Variants in SULF1 observed in about 807,000 individuals in gnomAD.
SULF1 encodes sulfatase 1.
In SULF1, 46 loss-of-function variants were observed where a neutral mutation model predicts 110.5. That is an observed-to-expected ratio of 0.42 (90% confidence interval 0.33 to 0.53). The LOEUF (loss-of-function observed/expected upper bound fraction) is 0.53. Ranked by LOEUF, SULF1 falls within the 20% of genes least tolerant of loss-of-function variation. The pLI is 0.12. For missense variants in SULF1, 941 were observed against 1,094.2 expected, an observed-to-expected ratio of 0.86 and a Z score of 1.98; for synonymous variants, 371 against 387.1, an observed-to-expected ratio of 0.96 and a Z score of 0.49.
At chr8:69,480,149 C>T (rs957673542) in intron 1 of SULF1, among the ~76,000 whole-genome samples, 1 of 152,162 alleles carries the variant, frequency 6.6e-6, no homozygotes, top group African/African-American at 2.4e-5. Flanking sequence ...TTAACATACA[C>T]TTAAAGAACA....
chr8:69,613,475 T>C (rs1563587131), intron 13 of SULF1, among the ~76,000 whole-genome samples: 2 of 152,146 alleles, frequency 1.3e-5, no homozygotes, highest in Non-Finnish European at 1.5e-5. Context: ...TTATAATGAT[T>C]ACTTAGTGGA....
chr8:69,568,505 T>C (rs1336930496), intron 5 of SULF1, among the ~76,000 whole-genome samples: 1 of 152,228 alleles, frequency 6.6e-6, no homozygotes, highest in Non-Finnish European at 1.5e-5. Flanking sequence ...ACTTTATCTT[T>C]TCCCAAAGAA....
At position 69,627,950 on chromosome 8, in the gene SULF1, T is replaced by C. The variant is rs1810226748; in HGVS notation, c.2042+84T>C. The C allele has an allele frequency of 1.5e-5, 16 of 1,049,264 alleles. 1 individual carries two copies. The South Asian group carries it at 2.0e-4, about 13-fold the overall frequency. The allele number at this position is 1,049,264 out of a possible 1,614,324, so 65.0% of individuals were successfully genotyped here. A position where few individuals can be genotyped will look rare whatever the true frequency, so the allele number is the denominator to read the frequency against. On this transcript the variant is annotated intron_variant, in intron 17 of 22. Coordinates refer to ENST00000402687, the MANE Select transcript of SULF1 (RefSeq NM_001128205.2). ...CATTAGCACTGGGCTCATTTTTCTC[T>C]CTTACCTATAGAATGTATTGTCATA...
At chr8:69,576,301 C>A in intron 6 of SULF1, 92 bp downstream of exon 6, 1 of 1,433,226 alleles carries the variant, frequency 7.0e-7, no homozygotes, top group Non-Finnish European at 9.5e-7. Flanking sequence ...GAAGTTCCAA[C>A]AAATACCTAA....
intron 3 of SULF1, among the ~76,000 whole-genome samples, chr8:69,508,225 C>T (rs970735027): frequency 4.6e-5 from 7 of 152,112 alleles, no homozygotes; most frequent in African/African-American, 1.7e-4. Flanking sequence ...CCTGCCTCAG[C>T]CTCCCGAATA....
chr8:69,603,429 A>G, intron 11 of SULF1, 109 bp downstream of exon 11: 1 of 1,549,206 alleles, frequency 6.5e-7, no homozygotes. Context: ...CCTTGCCCAC[A>G]AGGATCACCC....
intron 8 of SULF1, among the ~76,000 whole-genome samples, chr8:69,598,547 A>G (rs911777753): frequency 6.6e-6 from 1 of 152,134 alleles, no homozygotes; most frequent in South Asian, 2.1e-4. Flanking sequence ...GCCCGCCACC[A>G]TGCCCAGCTA....
chr8:69,622,947 C>T (rs1432407894), intron 14 of SULF1, among the ~76,000 whole-genome samples: 1 of 152,180 alleles, frequency 6.6e-6, no homozygotes, highest in Non-Finnish European at 1.5e-5. Flanking sequence ...CATGACAATT[C>T]TGATTCCACA....
intron 1 of SULF1, chr8:69,467,172 C>A (rs1399889364): frequency 6.6e-6 from 1 of 152,176 alleles, no homozygotes. Context: ...TAAGAAAATA[C>A]CTTTGGGAGC....
At chr8:69,633,552 C>T (rs1810750456) in intron 19 of SULF1, among the ~76,000 whole-genome samples, 2 of 151,786 alleles carry the variant, frequency 1.3e-5, no homozygotes, top group South Asian at 2.1e-4. Context: ...GCTGACCTCA[C>T]CTGAGATCAC....
intron 3 of SULF1, among the ~76,000 whole-genome samples, chr8:69,549,456 G>A (rs199559590): frequency 2.0e-5 from 3 of 151,736 alleles, no homozygotes; most frequent in Admixed American, 6.6e-5. Context: ...GAGATGGTGA[G>A]AAAACAGCCA....
intron 15 of SULF1, 93 bp downstream of exon 15, chr8:69,624,290 G>GT: frequency 6.7e-7 from 1 of 1,491,628 alleles, no homozygotes; most frequent in Non-Finnish European, 9.0e-7. Context: ...CAAAAAAGCA[G>GT]TATCACTTGG....
chr8:69,618,394 A>G (rs903586419), intron 13 of SULF1, among the ~76,000 whole-genome samples: 1 of 152,264 alleles, frequency 6.6e-6, no homozygotes, highest in African/African-American at 2.4e-5. Flanking sequence ...AATACAGAAT[A>G]ACTACTAATT....
intron 1 of SULF1, among the ~76,000 whole-genome samples, chr8:69,473,670 A>AT (rs1809187754): frequency 6.6e-6 from 1 of 152,112 alleles, no homozygotes; most frequent in Admixed American, 6.5e-5. Flanking sequence ...TAACAATTGA[A>AT]TTGTCTGTTC....
chr8:69,489,457 T>A (rs1809827924), upstream of SULF1, among the ~76,000 whole-genome samples: 1 of 151,990 alleles, frequency 6.6e-6, no homozygotes, highest in Admixed American at 6.5e-5. Flanking sequence ...AATTTTAGTC[T>A]GTCACAAGGT....
chr8:69,640,870 A>G (rs1325208263), intron 22 of SULF1, 29 bp downstream of exon 22: 3 of 1,602,932 alleles, frequency 1.9e-6, no homozygotes, highest in Non-Finnish European at 2.6e-6. Context: ...TCTTCTCAAC[A>G]GCTTCTTCCC....
intron 22 of SULF1, among the ~76,000 whole-genome samples, chr8:69,654,643 T>C (rs552365463): frequency 6.6e-6 from 1 of 152,348 alleles, no homozygotes; most frequent in Admixed American, 6.5e-5. Flanking sequence ...TGAAGTGCTG[T>C]GCAGAAGACT....
At chr8:69,627,620 G>T in intron 16 of SULF1, 152 bp from the exon 17 acceptor site, 1 of 672,422 alleles carries the variant, frequency 1.5e-6, no homozygotes, top group Non-Finnish European at 2.7e-6. Flanking sequence ...AGTCTATATA[G>T]ACATATTCTA....
At chr8:69,536,108 T>C (rs1813416344) in intron 3 of SULF1, among the ~76,000 whole-genome samples, 1 of 152,162 alleles carries the variant, frequency 6.6e-6, no homozygotes, top group African/African-American at 2.4e-5. Context: ...GAAACTTCGA[T>C]CAATTTAATT....
Sources: allele counts gnomAD v4.1 joint callset (sites outside exome capture counted in the v4.1 genomes callset), GRCh38; gene constraint gnomAD v4.1.1; transcripts MANE v1.5; gene names NCBI Gene and HGNC (gene_info 2026-07-23, HGNC 2026-07-21).